Variants in PDSS1 observed in about 807,000 individuals in gnomAD.
PDSS1 encodes the protein decaprenyl diphosphate synthase subunit 1, also known as all trans-polyprenyl-diphosphate synthase PDSS1.
In PDSS1, 43 loss-of-function variants were observed where a neutral mutation model predicts 57.5. The observed-to-expected ratio is 0.75, with a 90% CI of 0.59 to 0.96. The LOEUF is 0.96. PDSS1 is among the 50% of genes least tolerant of loss of function. The pLI is 0.00. For synonymous variants in PDSS1, 175 were observed against 191.3 expected, an observed-to-expected ratio of 0.91 and a Z score of 0.70; for missense variants, 438 against 527.8, an observed-to-expected ratio of 0.83 and a Z score of 1.67.
rs556495037 is a variant in PDSS1 at position 26,735,391 on chromosome 10, C to T, written c.912+71C>T. On this transcript the variant is annotated intron_variant, in intron 9 of 11. Coordinates refer to ENST00000376215, the MANE Select transcript of PDSS1 (RefSeq NM_014317.5). ...TCAGCATTCTCCCCTAGTGTGTAAT[C>T]GTCAAAATAGTAAGAACGATGGCAG... The T allele has an allele frequency of 3.5e-5, 49 of 1,390,900 alleles. No individual in the cohort carries two copies. The African/African-American group carries it at 3.5e-4, about 10-fold the overall frequency. The allele number at this position is 1,390,900 out of a possible 1,614,324, so 86.2% of individuals were successfully genotyped here. A position where few individuals can be genotyped will look rare whatever the true frequency, so the allele number is the denominator to read the frequency against.
In PDSS1 at chr10:26,722,190, G is replaced by T. The variant is rs1000855921; in HGVS notation, c.610-1616G>T. 7.9e-5 allele frequency among the ~76,000 whole-genome samples: 12 copies of T among 152,272 alleles called. No individual in the cohort carries two copies. In the South Asian group the frequency reaches 2.3e-3, roughly 29 times the overall value. On this transcript the variant is annotated intron_variant, in intron 6 of 11. Transcript: ENST00000376215. ...TGATGTAGGGGCTGGGTCGGGGAATGTAAGTGGGTACCTATATATCATAAT... is the reference window on the plus strand; with the variant it reads ...TGATGTAGGGGCTGGGTCGGGGAATTTAAGTGGGTACCTATATATCATAAT...
chr10:26,734,462 A>G (rs549559561), intron 8 of PDSS1, among the ~76,000 whole-genome samples: 1 of 152,328 alleles, frequency 6.6e-6, no homozygotes, highest in African/African-American at 2.4e-5. Flanking sequence ...TAACATGCTT[A>G]GCAGGGCACT....
chr10:26,706,399 C>G (rs868682321), intron 4 of PDSS1, among the ~76,000 whole-genome samples: 2 of 152,202 alleles, frequency 1.3e-5, no homozygotes, highest in Admixed American at 6.5e-5. Context: ...CCTGCTCTGT[C>G]GCAATTGGCC....
intron 8 of PDSS1, among the ~76,000 whole-genome samples, chr10:26,724,388 A>T (rs1300125000): frequency 6.6e-6 from 1 of 152,092 alleles, no homozygotes. Context: ...CACCTTCCCC[A>T]ATCTGATTGC....
At chr10:26,721,632 C>T (rs1027096666) in intron 6 of PDSS1, among the ~76,000 whole-genome samples, 2 of 152,090 alleles carry the variant, frequency 1.3e-5, no homozygotes, top group African/African-American at 4.8e-5. Flanking sequence ...AAGCAGATGG[C>T]GTTTAGATTT....
In PDSS1 at chr10:26,720,227, A is replaced by T. The variant is rs969248593; in HGVS notation, c.477A>T (p.Gln159His). The change falls in exon 6 of 12, where the codon CAA (glutamine) becomes CAT (histidine). Residue 159 changes from glutamine (Q) to histidine (H), a missense_variant. Gln to His is a conservative substitution (Grantham distance 24, BLOSUM62 0). This residue lies in a region of PDSS1 where 284 missense variants were observed against 390.7 expected (regional missense o/e 0.73). Coordinates refer to ENST00000376215, the MANE Select transcript of PDSS1 (RefSeq NM_014317.5). ...GCTTTCTGTTAATTAGACATGTGCA[A>T]GCCAGCCAGCGCGCCATAGCCTTAA... ...NIHHNNSRHV[Q>H]ASQRAIALIA... 9 of 1,612,930 alleles carry T rather than the reference A, an allele frequency of 5.6e-6. No individual in the cohort carries two copies. The highest frequency in any genetic ancestry group is 7.6e-6 in the Non-Finnish European group (9 of 1,179,950).
chr10:26,707,073 C>G (rs3118156), intron 4 of PDSS1, among the ~76,000 whole-genome samples: 17,127 of 152,150 alleles, frequency 0.11, 1,301 homozygotes, highest in Middle Eastern at 0.23. Context: ...ACTTGCATCC[C>G]GTCTCCCCGG....
In PDSS1 at chr10:26,735,278, G is replaced by C; in HGVS notation, c.870G>C (p.Glu290Asp). The change falls in exon 9 of 12, where the codon GAG (glutamate) becomes GAC (aspartate). Residue 290 changes from glutamate to aspartate, a missense_variant. Physicochemically the swap from Glu to Asp is conservative, Grantham distance 45 (BLOSUM62 2). This residue lies in a region of PDSS1 where 284 missense variants were observed against 390.7 expected (regional missense o/e 0.73). Transcript: ENST00000376215. ...GATGTCCCGACCCAGTGGTGCATGA[G>C]ATCGCCTATCAGTACGGAAAAAATG... ...VLGCPDPVVHEIAYQYGKNVG... is the reference protein window; with the variant it reads ...VLGCPDPVVHDIAYQYGKNVG... 1 of 1,613,758 alleles carries C rather than the reference G, an allele frequency of 6.2e-7. No homozygotes were observed. The highest frequency in any genetic ancestry group is 1.1e-5 in the South Asian group (1 of 91,084).
chr10:26,737,106 C>T (rs1011773357), intron 10 of PDSS1, among the ~76,000 whole-genome samples: 1 of 152,166 alleles, frequency 6.6e-6, no homozygotes, highest in Non-Finnish European at 1.5e-5. Context: ...TACCTAGGCT[C>T]AGATTATCAG....
chr10:26,698,394 C>T (rs1398228786), intron 1 of PDSS1, among the ~76,000 whole-genome samples: 1 of 152,042 alleles, frequency 6.6e-6, no homozygotes, highest in Non-Finnish European at 1.5e-5. Context: ...GGAGAGCACA[C>T]CTGGATGGGG....
At chr10:26,741,077 G>A (rs150902756) in intron 10 of PDSS1, among the ~76,000 whole-genome samples, 22 of 149,230 alleles carry the variant, frequency 1.5e-4, no homozygotes, top group African/African-American at 5.0e-4. Context: ...CAACCTTGGC[G>A]GCACATTAAA....
intron 1 of PDSS1, among the ~76,000 whole-genome samples, chr10:26,698,486 C>T (rs2489584): frequency 0.64 from 96,733 of 151,932 alleles, 31,375 homozygotes; most frequent in East Asian, 0.8. Context: ...AGAATCTCAG[C>T]GATAGCCCAT....
chr10:26,705,412 C>A lies in PDSS1; in HGVS notation c.336+18C>A. ...TTAGAAAGGTGAGTTTTTTATTCTG[C>A]TGTGATGTAATGTTTTAGCTTACCA... On this transcript the variant is annotated intron_variant, in intron 4 of 11. Coordinates refer to ENST00000376215, the MANE Select transcript of PDSS1 (RefSeq NM_014317.5). 1 of 1,211,832 alleles carries A rather than the reference C, an allele frequency of 8.3e-7. No individual in the cohort carries two copies. The highest frequency in any genetic ancestry group is 1.2e-6 in the Non-Finnish European group (1 of 819,092). The allele number at this position is 1,211,832 out of a possible 1,614,324, so 75.1% of individuals were successfully genotyped here. A position where few individuals can be genotyped will look rare whatever the true frequency, so the allele number is the denominator to read the frequency against.
chr10:26,741,846 T>C (rs1274844069), intron 10 of PDSS1, among the ~76,000 whole-genome samples: 1 of 152,300 alleles, frequency 6.6e-6, no homozygotes, highest in Middle Eastern at 3.4e-3. Context: ...CAGGTGATCC[T>C]GATACGATTT....
Position 26,742,484 on chromosome 10 carries a change from CTTTTTT to C in PDSS1, c.1027-11_1027-6del. 6.3e-7 allele frequency: 1 copy of C among 1,593,952 alleles called. No homozygotes were observed. Among genetic ancestry groups the C allele is most frequent in the Non-Finnish European group, 8.6e-7 (1 of 1,163,140 alleles). On this transcript the variant is annotated splice_polypyrimidine_tract_variant and splice_region_variant and intron_variant, in intron 10 of 11. Coordinates refer to ENST00000376215, the MANE Select transcript of PDSS1 (RefSeq NM_014317.5). ...AAATAGATTTTCTCAGATTTTCTCT[CTTTTTT>C]TGTTAGTTCCCAGAAATGAATGCTA...
chr10:26,709,703 A>G lies in PDSS1; in HGVS notation c.402A>G (p.Lys134=). 3 of 1,612,948 alleles carry G rather than the reference A, an allele frequency of 1.9e-6. No individual in the cohort carries two copies. Among genetic ancestry groups the G allele is most frequent in the Non-Finnish European group, 2.5e-6 (3 of 1,178,916 alleles). Residue 134 remains lysine (K), a synonymous_variant, in exon 5 of 12, where the codon AAA becomes AAG. Coordinates refer to ENST00000376215, the MANE Select transcript of PDSS1 (RefSeq NM_014317.5). ...AGTACTACTTTGATGGGAAAGGGAA[A>G]GCCTTTCGACCAATTATTGTGGCGC... ...MSEYYFDGKG[K]AFRPIIVALM... is the part of the protein sequence containing the mutation.
At chr10:26,743,266 G>C (rs773129844) in intron 11 of PDSS1, among the ~76,000 whole-genome samples, 12 of 152,170 alleles carry the variant, frequency 7.9e-5, no homozygotes, top group Non-Finnish European at 1.5e-4. Flanking sequence ...GTGAGAATGA[G>C]CCATTTCCAA....
chr10:26,727,416 T>TA (rs1835994770), intron 8 of PDSS1, among the ~76,000 whole-genome samples: 1 of 151,870 alleles, frequency 6.6e-6, no homozygotes, highest in Non-Finnish European at 1.5e-5. Flanking sequence ...CTCTTCCTAT[T>TA]ACTTGATTTT....
At chr10:26,706,400 G>A (rs571616114) in intron 4 of PDSS1, among the ~76,000 whole-genome samples, 3 of 152,154 alleles carry the variant, frequency 2.0e-5, no homozygotes, top group South Asian at 2.1e-4. Flanking sequence ...CTGCTCTGTC[G>A]CAATTGGCCA....
Sources: allele counts gnomAD v4.1 joint callset (sites outside exome capture counted in the v4.1 genomes callset), GRCh38; gene constraint gnomAD v4.1.1; regional missense constraint gnomAD v4.1.1; transcripts MANE v1.5; gene names NCBI Gene and HGNC (gene_info 2026-07-23, HGNC 2026-07-21).